IQGAP1: variants seen among roughly 807,000 people sequenced by gnomAD.
IQGAP1 encodes the protein IQ motif containing GTPase activating protein 1.
IQGAP1 carries 66 observed loss-of-function variants against 215.6 expected under a neutral mutation model. The observed-to-expected ratio is 0.31, with a 90% CI of 0.25 to 0.38. IQGAP1 has a LOEUF of 0.38. IQGAP1 is among the 10% of genes least tolerant of loss of function. The pLI is 1.00. For synonymous variants in IQGAP1, 772 were observed against 728.7 expected (o/e 1.06, Z -0.96); for missense variants, 1,712 against 1,997.1 (o/e 0.86, Z 2.72).
At chr15:90,406,545 A>G (rs1313025823) in intron 2 of IQGAP1, among the ~76,000 whole-genome samples, 1 of 152,244 alleles carries the variant, frequency 6.6e-6, no homozygotes, top group Non-Finnish European at 1.5e-5. Flanking sequence ...TCTAAAAGCA[A>G]CTGAATTGTA....
At chr15:90,438,096 A>G (rs1414172764) in intron 5 of IQGAP1, among the ~76,000 whole-genome samples, 4 of 152,202 alleles carry the variant, frequency 2.6e-5, no homozygotes, top group Non-Finnish European at 4.4e-5. Flanking sequence ...TGCAGTGTAC[A>G]TGATGCGTGT....
At chr15:90,422,595 ATAAT>A (rs1877746575) in intron 2 of IQGAP1, among the ~76,000 whole-genome samples, 1 of 143,092 alleles carries the variant, frequency 7.0e-6, no homozygotes, top group Non-Finnish European at 1.5e-5. Context: ...GAAATGTTTA[ATAAT>A]TGTCTCATTC....
At chr15:90,392,971 C>T (rs1306111798) in intron 2 of IQGAP1, among the ~76,000 whole-genome samples, 1 of 152,016 alleles carries the variant, frequency 6.6e-6, no homozygotes, top group East Asian at 1.9e-4. Flanking sequence ...TCTCAAACTC[C>T]TGACCTCAGG....
At chr15:90,395,757 AAAG>A (rs1332140050) in intron 2 of IQGAP1, among the ~76,000 whole-genome samples, 2 of 152,234 alleles carry the variant, frequency 1.3e-5, no homozygotes, top group African/African-American at 4.8e-5. Flanking sequence ...GTTCAGGTGA[AAAG>A]AACCAAGAAG....
Position 90,449,567 on chromosome 15 carries a change from G to A in IQGAP1, c.1086G>A (p.Gln362=). The A allele has an allele frequency of 1.2e-6, 2 of 1,612,424 alleles. No individual in the cohort carries two copies. The highest frequency in any genetic ancestry group is 1.7e-6 in the Non-Finnish European group (2 of 1,179,304). The change falls in exon 11 of 38, where the codon CAG becomes CAA. Residue 362 remains glutamine, a synonymous_variant. Transcript: ENST00000268182. ...TTCTTTGCTTTGCTCAGAGTGGTCA[G>A]ACTGACCCCCTGCAGAAGGAGGAGC... ...SDKQQKRQSG[Q]TDPLQKEELQ...
intron 10 of IQGAP1, 104 bp downstream of exon 10, chr15:90,448,840 C>G (rs557234610): frequency 5.6e-5 from 56 of 1,008,408 alleles, no homozygotes; most frequent in Non-Finnish European, 6.7e-5. Flanking sequence ...TCCCCCAATA[C>G]GACTTTTTCC....
chr15:90,486,236 A>G lies in IQGAP1; in HGVS notation c.4024+104A>G, dbSNP rs1966124898. 15 of 662,128 alleles carry G rather than the reference A, an allele frequency of 2.3e-5. No homozygotes were observed. In the South Asian group the frequency reaches 2.7e-4, roughly 12 times the overall value. 41.0% of individuals were successfully genotyped at this position (662,128 alleles called of 1,614,324 possible). ...TTGCACTATACCAAACTCTGGATAT[A>G]CATTGAGAAATAAAATAGATGTGAT... is the stretch of plus-strand genomic sequence containing the variant. On this transcript the variant is annotated intron_variant, in intron 31 of 37. Coordinates refer to ENST00000268182, the MANE Select transcript of IQGAP1 (RefSeq NM_003870.4).
Position 90,477,834 on chromosome 15 carries a change from G to A in IQGAP1, c.3274G>A (p.Val1092Met). 6.2e-7 allele frequency: 1 copy of A among 1,614,064 alleles called. No individual in the cohort carries two copies. The highest frequency in any genetic ancestry group is 1.3e-5 in the African/African-American group (1 of 75,012). Residue 1092 changes from valine (V) to methionine (M), a missense_variant, in exon 26 of 38, where the codon GTG becomes ATG. By Grantham distance (21) the Val-to-Met change is conservative (BLOSUM62 1). Transcript: ENST00000268182. ...ATCTCTCAACATCAAAACTGACCCT[G>A]TGGATATTTACAAATCTTGGGTTAA... Reference protein sequence around the residue: ...DKSLNIKTDPVDIYKSWVNQM... With the variant: ...DKSLNIKTDPMDIYKSWVNQM...
At chr15:90,450,330 C>CT (rs869037347) in intron 11 of IQGAP1, among the ~76,000 whole-genome samples, 1,305 of 54,396 alleles carry the variant, frequency 0.024, 31 homozygotes, top group Non-Finnish European at 0.03. Flanking sequence ...TATACACTAC[C>CT]TTTTTTTTTT....
chr15:90,481,216 T>G (rs988005091), intron 26 of IQGAP1, among the ~76,000 whole-genome samples: 4 of 151,482 alleles, frequency 2.6e-5, no homozygotes, highest in Non-Finnish European at 5.9e-5. Flanking sequence ...TCTGCCTTTG[T>G]GGTCACATTG....
Position 90,473,986 on chromosome 15 carries a change from T to C in IQGAP1, c.2505+19T>C. 1 of 1,613,272 alleles carries C rather than the reference T, an allele frequency of 6.2e-7. No individual in the cohort carries two copies. Among genetic ancestry groups the C allele is most frequent in the Non-Finnish European group, 8.5e-7 (1 of 1,179,266 alleles). On this transcript the variant is annotated intron_variant, in intron 21 of 37. Coordinates refer to ENST00000268182, the MANE Select transcript of IQGAP1 (RefSeq NM_003870.4). Reference sequence around the variant, plus strand: ...GGACCATGTAAGCACCCTTGGATCATACAGGCCATTAGGGGCAATTTTGCC... The same window carrying C: ...GGACCATGTAAGCACCCTTGGATCACACAGGCCATTAGGGGCAATTTTGCC...
chr15:90,388,251 A>G lies in IQGAP1; in HGVS notation c.-91A>G. ...GGGGCGGGGCCTCGGGGACCCCGGC[A>G]AGCCCGCGCACTTGGCAGGAGCTGT... On this transcript the variant is annotated 5_prime_UTR_variant, in exon 1 of 38. Coordinates refer to ENST00000268182, the MANE Select transcript of IQGAP1 (RefSeq NM_003870.4). 1 of 1,446,008 alleles carries G rather than the reference A, an allele frequency of 6.9e-7. No homozygotes were observed. The highest frequency in any genetic ancestry group is 9.4e-7 in the Non-Finnish European group (1 of 1,060,000). The allele number at this position is 1,446,008 out of a possible 1,614,324, so 89.6% of individuals were successfully genotyped here.
At chr15:90,396,750 T>C (rs1964726077) in intron 2 of IQGAP1, among the ~76,000 whole-genome samples, 1 of 152,136 alleles carries the variant, frequency 6.6e-6, no homozygotes, top group Non-Finnish European at 1.5e-5. Flanking sequence ...TGAAGCTGAG[T>C]GCTTTTCTGT....
intron 15 of IQGAP1, among the ~76,000 whole-genome samples, chr15:90,456,839 G>C (rs1965687842): frequency 6.6e-6 from 1 of 150,594 alleles, no homozygotes; most frequent in Non-Finnish European, 1.5e-5. Context: ...AGTGAGCCGA[G>C]ATTGCGCCAC....
chr15:90,482,596 C>G (rs1175076352), intron 28 of IQGAP1: 1 of 447,590 alleles, frequency 2.2e-6, no homozygotes. Flanking sequence ...GTAGCAGGCA[C>G]AGTTGTTTCT....
chr15:90,477,730 G>A lies in IQGAP1; in HGVS notation c.3170G>A (p.Ser1057Asn), dbSNP rs751516634. The A allele has an allele frequency of 6.2e-7, 1 of 1,613,926 alleles. No individual in the cohort carries two copies. The highest frequency in any genetic ancestry group is 8.5e-7 in the Non-Finnish European group (1 of 1,179,880). ...GNPTVIKMVV[S>N]FNRGARGQNA... ...CCTACGGTTATTAAAATGGTTGTAA[G>A]TTTCAACCGTGGTGCCCGTGGCCAG... The change falls in exon 26 of 38, where the codon AGT (serine) becomes AAT (asparagine). Residue 1057 changes from serine to asparagine, a missense_variant. Coordinates refer to ENST00000268182, the MANE Select transcript of IQGAP1 (RefSeq NM_003870.4).
At chr15:90,427,220 C>G (rs2151014278) in intron 3 of IQGAP1, among the ~76,000 whole-genome samples, 1 of 151,768 alleles carries the variant, frequency 6.6e-6, no homozygotes, top group East Asian at 1.9e-4. Context: ...TAGTATTGCG[C>G]CACTGCACTC....
chr15:90,438,420 C>G (rs1158750740), intron 5 of IQGAP1, among the ~76,000 whole-genome samples: 1 of 151,980 alleles, frequency 6.6e-6, no homozygotes, highest in African/African-American at 2.4e-5. Flanking sequence ...TGAATGAGCC[C>G]TGTATTGTCC....
intron 33 of IQGAP1, among the ~76,000 whole-genome samples, chr15:90,488,261 T>TAAATAAAA (rs1169245875): frequency 8.6e-5 from 13 of 151,518 alleles, no homozygotes; most frequent in Non-Finnish European, 1.3e-4. Flanking sequence ...AATAAATAAA[T>TAAATAAAA]AAAATGTTGT....
Sources: allele counts gnomAD v4.1 joint callset (sites outside exome capture counted in the v4.1 genomes callset), GRCh38; gene constraint gnomAD v4.1.1; transcripts MANE v1.5; gene names NCBI Gene and HGNC (gene_info 2026-07-23, HGNC 2026-07-21).